KCNK3: variants seen among roughly 807,000 people sequenced by gnomAD.
The protein encoded by KCNK3 is potassium two pore domain channel subfamily K member 3.
Under a neutral mutation model 27.3 loss-of-function variants are expected in KCNK3, and 9 were observed. The observed-to-expected ratio is 0.33, with a 90% confidence interval of 0.20 to 0.57. The LOEUF (loss-of-function observed/expected upper bound fraction) is 0.57. Ranked by LOEUF, KCNK3 falls within the 20% of genes least tolerant of loss-of-function variation. The pLI is 0.87. For missense variants in KCNK3, 391 were observed against 577.7 expected (o/e 0.68, Z 3.31); for synonymous variants, 278 against 273.8 (o/e 1.02, Z -0.15).
chr2:26,724,657 G>T, intron 1 of KCNK3: 1 of 981,858 alleles, frequency 1.0e-6, no homozygotes, highest in Non-Finnish European at 1.2e-6. Context: ...TCTAGGCCAG[G>T]GCTGCCTGGA....
Position 26,727,731 on chromosome 2 carries a change from G to C in KCNK3, c.348G>C (p.Leu116=). The change falls in exon 2 of 2, where the codon CTG becomes CTC. Residue 116 remains leucine (L), a synonymous_variant. Transcript: ENST00000302909. ...GKVFCMFYAL[L]GIPLTLVMFQ... ...TGTTCTGCATGTTCTACGCGCTGCT[G>C]GGCATCCCGCTCACGCTCGTCATGT... 6.4e-7 allele frequency: 1 copy of C among 1,571,350 alleles called. No individual in the cohort carries two copies. The highest frequency in any genetic ancestry group is 8.7e-7 in the Non-Finnish European group (1 of 1,155,566).
intron 1 of KCNK3, among the ~76,000 whole-genome samples, chr2:26,702,297 A>T (rs1358562922): frequency 2.0e-5 from 3 of 152,250 alleles, no homozygotes; most frequent in Non-Finnish European, 4.4e-5. Context: ...GAATGCAGAT[A>T]GTAGCACAAG....
At chr2:26,724,929 C>T (rs964504918) in intron 1 of KCNK3, among the ~76,000 whole-genome samples, 12 of 151,724 alleles carry the variant, frequency 7.9e-5, no homozygotes, top group Non-Finnish European at 1.2e-4. Flanking sequence ...GGGCTAAGGA[C>T]GGGTCTCTGG....
At chr2:26,725,545 G>A (rs12463727) in intron 1 of KCNK3, among the ~76,000 whole-genome samples, 66,312 of 152,042 alleles carry the variant, frequency 0.44, 15,747 homozygotes, top group Non-Finnish European at 0.53. Context: ...AGGGAAGGAC[G>A]GGATGAGAAG....
At position 26,728,849 on chromosome 2, in the gene KCNK3, C is replaced by G; in HGVS notation, c.*281C>G. On this transcript the variant is annotated 3_prime_UTR_variant, in exon 2 of 2. Coordinates refer to ENST00000302909, the MANE Select transcript of KCNK3 (RefSeq NM_002246.3). Reference sequence around the variant, plus strand: ...GGCAGAAGCTGGGAGCCTCCCTTCCCTTTGAAAATCTAAGAAGCTCCCAGT... The same window carrying G: ...GGCAGAAGCTGGGAGCCTCCCTTCCGTTTGAAAATCTAAGAAGCTCCCAGT... The G allele has an allele frequency of 2.8e-6, 1 of 361,984 alleles. No individual in the cohort carries two copies. Among genetic ancestry groups the G allele is most frequent in the East Asian group, 4.1e-5 (1 of 24,530 alleles). The allele number at this position is 361,984 out of a possible 1,614,324, so 22.4% of individuals were successfully genotyped here.
At chr2:26,712,535 G>C (rs1272197496) in intron 1 of KCNK3, among the ~76,000 whole-genome samples, 1 of 152,098 alleles carries the variant, frequency 6.6e-6, no homozygotes, top group Non-Finnish European at 1.5e-5. Context: ...CCAGAGGCCA[G>C]GTCCTGTGAG....
chr2:26,695,345 C>T (rs1027305115), intron 1 of KCNK3, among the ~76,000 whole-genome samples: 34 of 152,196 alleles, frequency 2.2e-4, no homozygotes, highest in African/African-American at 8.0e-4. Context: ...CCTGGGCCTC[C>T]CAAAGTGCTG....
intron 1 of KCNK3, among the ~76,000 whole-genome samples, chr2:26,720,692 G>A (rs1414579832): frequency 6.6e-6 from 1 of 152,140 alleles, no homozygotes; most frequent in Non-Finnish European, 1.5e-5. Flanking sequence ...AGGAAGCATG[G>A]GGCAGGGAGA....
rs1382273717 is a variant in KCNK3 at position 26,721,087 on chromosome 2, G to A, written c.284-6580G>A. Reference sequence around the variant, plus strand: ...CCGTCCCCATCCTGGATGTCTAAGGGGTGGTTTCTCATCACCATCCCAGAC... The same window carrying A: ...CCGTCCCCATCCTGGATGTCTAAGGAGTGGTTTCTCATCACCATCCCAGAC... On this transcript the variant is annotated intron_variant, in intron 1 of 1. Transcript: ENST00000302909. The surrounding 1 kb of genome is among the most constrained non-coding windows in gnomAD (Gnocchi z 4.3). 6.6e-6 allele frequency among the ~76,000 whole-genome samples: 1 copy of A among 152,094 alleles called. No individual in the cohort carries two copies. The highest frequency in any genetic ancestry group is 2.4e-5 in the African/African-American group (1 of 41,414).
intron 1 of KCNK3, among the ~76,000 whole-genome samples, chr2:26,723,147 A>T (rs1015628426): frequency 1.3e-5 from 2 of 152,230 alleles, no homozygotes; most frequent in African/African-American, 4.8e-5. Context: ...AGCCAAGCCC[A>T]GTCCAGCCAA....
In KCNK3 at chr2:26,730,516, T is replaced by C. The variant is rs1019391098; in HGVS notation, c.*1948T>C. 6.6e-6 allele frequency: 1 copy of C among 152,366 alleles called. No individual in the cohort carries two copies. The highest frequency in any genetic ancestry group is 2.4e-5 in the African/African-American group (1 of 41,452). 9.4% of individuals were successfully genotyped at this position (152,366 alleles called of 1,614,324 possible). ...TGAGGGGCCTCTCCTCCCGCAACAC[T>C]GCCTTCCCATGCTGTTCCCCTGCCA... On this transcript the variant is annotated 3_prime_UTR_variant, in exon 2 of 2. Transcript: ENST00000302909.
intron 1 of KCNK3, among the ~76,000 whole-genome samples, chr2:26,720,415 G>T (rs1039135144): frequency 6.6e-6 from 1 of 152,216 alleles, no homozygotes; most frequent in East Asian, 1.9e-4. Context: ...GGGCCAGAAG[G>T]AGCTGGCCAG....
intron 1 of KCNK3, among the ~76,000 whole-genome samples, chr2:26,699,323 CTG>C (rs1442163674): frequency 6.6e-6 from 1 of 152,138 alleles, no homozygotes; most frequent in Non-Finnish European, 1.5e-5. Flanking sequence ...ATCTTTCTGA[CTG>C]TGCCATGCCT....
intron 1 of KCNK3, among the ~76,000 whole-genome samples, chr2:26,726,521 TTAA>T (rs1423932796): frequency 6.6e-6 from 1 of 152,118 alleles, no homozygotes; most frequent in Non-Finnish European, 1.5e-5. Flanking sequence ...CATAATTATG[TTAA>T]TAAAAGTAGT....
In KCNK3 at chr2:26,721,576, C is replaced by T. The variant is rs545413234; in HGVS notation, c.284-6091C>T. On this transcript the variant is annotated intron_variant, in intron 1 of 1. Coordinates refer to ENST00000302909, the MANE Select transcript of KCNK3 (RefSeq NM_002246.3). The surrounding 1 kb of genome is among the most constrained non-coding windows in gnomAD (Gnocchi z 4.3). ...GCCTCAGGCGCCTGAGCTGGTTCCT[C>T]GTGGGCCCTCCCCTGGGTGCCCTCT... Among the ~76,000 whole-genome samples, 2 of 152,296 alleles carry T rather than the reference C, an allele frequency of 1.3e-5. No homozygotes were observed. Among genetic ancestry groups the T allele is most frequent in the South Asian group, 2.1e-4 (1 of 4,828 alleles).
intron 1 of KCNK3, among the ~76,000 whole-genome samples, chr2:26,717,081 G>A (rs1196815566): frequency 6.6e-6 from 1 of 152,176 alleles, no homozygotes; most frequent in Non-Finnish European, 1.5e-5. Flanking sequence ...TTTACTATCT[G>A]GCCCTTTACA....
intron 1 of KCNK3, among the ~76,000 whole-genome samples, chr2:26,698,349 C>T (rs548787014): frequency 1.0e-3 from 158 of 152,282 alleles, no homozygotes; most frequent in Non-Finnish European, 2.5e-4. Context: ...GCTGGAGTGC[C>T]TGGGTTCATC....
At chr2:26,696,690 T>A (rs1229950051) in intron 1 of KCNK3, among the ~76,000 whole-genome samples, 1 of 152,168 alleles carries the variant, frequency 6.6e-6, no homozygotes, top group Middle Eastern at 3.2e-3. Flanking sequence ...TTAACCACTT[T>A]AGCTGTTGAG....
rs536990581 is a variant in KCNK3 at position 26,729,877 on chromosome 2, C to T, written c.*1309C>T. On this transcript the variant is annotated 3_prime_UTR_variant, in exon 2 of 2. Transcript: ENST00000302909. Reference sequence around the variant, plus strand: ...ATGGCAAAGGGAGACAAGAGCCCAGCCTGCTTGTTGCTAGCCAAAGTGTTC... The same window carrying T: ...ATGGCAAAGGGAGACAAGAGCCCAGTCTGCTTGTTGCTAGCCAAAGTGTTC... The T allele has an allele frequency of 6.6e-6, 1 of 151,990 alleles. No homozygotes were observed. The highest frequency in any genetic ancestry group is 1.9e-4 in the East Asian group (1 of 5,172). The allele number at this position is 151,990 out of a possible 1,614,324, so 9.4% of individuals were successfully genotyped here. A position where few individuals can be genotyped will look rare whatever the true frequency, so the allele number is the denominator to read the frequency against.
Sources: gnomAD v4.1 joint callset for allele counts (sites outside exome capture counted in the v4.1 genomes callset) on GRCh38, gnomAD v4.1.1 for gene constraint, Gnocchi (gnomAD v3.1) non-coding constraint, MANE v1.5 for transcripts, NCBI Gene and HGNC (gene_info 2026-07-23, HGNC 2026-07-21) for gene names.